The following SUFU variants were observed in gnomAD, a reference collection of about 807,000 sequenced individuals.
SUFU encodes the protein suppressor of fused homolog.
SUFU carries 7 observed loss-of-function variants against 58.9 expected under a neutral mutation model. The observed-to-expected ratio is 0.12, with a 90% CI of 0.07 to 0.22. The LOEUF (loss-of-function observed/expected upper bound fraction) is 0.22, where lower values mean the gene tolerates loss of function less well. Among genes scored for constraint, SUFU ranks in the 10% least tolerant of loss-of-function variants. The pLI is 1.00. For synonymous variants in SUFU, 232 were observed against 254.8 expected (o/e 0.91, Z 0.85); for missense variants, 451 against 641.3 (o/e 0.70, Z 3.20).
At chr10:102,599,373 C>T (rs935261478) in intron 7 of SUFU, 60 bp from the exon 8 acceptor site, 38 of 1,302,520 alleles carry the variant, frequency 2.9e-5, no homozygotes, top group Admixed American at 5.0e-5. Flanking sequence ...GTTTCAAGAG[C>T]GGGGTGAGAA....
intron 8 of SUFU, among the ~76,000 whole-genome samples, chr10:102,610,252 G>A (rs998445748): frequency 6.6e-6 from 1 of 151,860 alleles, no homozygotes; most frequent in Non-Finnish European, 1.5e-5. Flanking sequence ...AATTAGCCAG[G>A]TGTGGTGGTG....
At chr10:102,534,212 A>G (rs1446179784) in intron 2 of SUFU, among the ~76,000 whole-genome samples, 1 of 152,118 alleles carries the variant, frequency 6.6e-6, no homozygotes, top group Non-Finnish European at 1.5e-5. Flanking sequence ...GTGGATCACT[A>G]GGTCAGGAGA....
chr10:102,523,339 G>A (rs909350817), intron 2 of SUFU, among the ~76,000 whole-genome samples: 5 of 152,070 alleles, frequency 3.3e-5, no homozygotes, highest in African/African-American at 1.2e-4. Flanking sequence ...CCCTGCCTCC[G>A]ACCACCAGTT....
chr10:102,566,127 G>A (rs187159681), intron 3 of SUFU, among the ~76,000 whole-genome samples: 5 of 152,300 alleles, frequency 3.3e-5, no homozygotes, highest in East Asian at 1.9e-4. Context: ...AGTGTTCAGC[G>A]AAGAGGGCTG....
At position 102,504,000 on chromosome 10, in the gene SUFU, G is replaced by A; in HGVS notation, c.-153G>A. The A allele has an allele frequency of 8.9e-7, 1 of 1,126,844 alleles. No homozygotes were observed. Among genetic ancestry groups the A allele is most frequent in the Non-Finnish European group, 1.2e-6 (1 of 847,894 alleles). 69.8% of individuals were successfully genotyped at this position (1,126,844 alleles called of 1,614,324 possible). ...CTCGGCGGCGGCGACAGCCTGGGCG[G>A]ACAGTGCGCCGTGCGCAGGCGCGGA... On this transcript the variant is annotated 5_prime_UTR_variant, in exon 1 of 12. Transcript: ENST00000369902.
intron 10 of SUFU, among the ~76,000 whole-genome samples, chr10:102,621,126 T>G (rs2063736309): frequency 6.6e-6 from 1 of 152,206 alleles, no homozygotes; most frequent in African/African-American, 2.4e-5. Flanking sequence ...CCCTGCCTTC[T>G]GCTACCCATT....
At position 102,593,930 on chromosome 10, in the gene SUFU, G is replaced by A. The variant is rs2063432922; in HGVS notation, c.684-63G>A. 4 of 1,587,738 alleles carry A rather than the reference G, an allele frequency of 2.5e-6. No homozygotes were observed. In the South Asian group the frequency reaches 3.3e-5, roughly 13 times the overall value. Reference sequence around the variant, plus strand: ...CCTGGGGCAGCAAACAGGGCAGGCTGTAGGCCCAGCCCATCAGCCCCAGAC... The same window carrying A: ...CCTGGGGCAGCAAACAGGGCAGGCTATAGGCCCAGCCCATCAGCCCCAGAC... On this transcript the variant is annotated intron_variant, in intron 5 of 11. Transcript: ENST00000369902.
At chr10:102,530,609 A>C (rs2062666363) in intron 2 of SUFU, among the ~76,000 whole-genome samples, 1 of 151,682 alleles carries the variant, frequency 6.6e-6, no homozygotes, top group Non-Finnish European at 1.5e-5. Context: ...TTGTGCCACC[A>C]TGCTTGGTTA....
chr10:102,603,874 G>A (rs1286338047), intron 8 of SUFU, among the ~76,000 whole-genome samples: 1 of 152,182 alleles, frequency 6.6e-6, no homozygotes, highest in African/African-American at 2.4e-5. Context: ...AGAGAAAATT[G>A]TGTTTTGTTT....
In SUFU at chr10:102,504,443, G is replaced by C. The variant is rs550119336; in HGVS notation, c.182+109G>C. 8.1e-5 allele frequency: 124 copies of C among 1,539,018 alleles called. No homozygotes were observed. The African/African-American group carries it at 1.6e-3, about 20-fold the overall frequency. On this transcript the variant is annotated intron_variant, in intron 1 of 11. Coordinates refer to ENST00000369902, the MANE Select transcript of SUFU (RefSeq NM_016169.4). ...GGAGGAGGGGTAGAGAATGGTTAAA[G>C]CACTCAGAAGGAGGGCTTCTTGCTG...
chr10:102,606,137 A>C (rs1191794646), intron 8 of SUFU, among the ~76,000 whole-genome samples: 1 of 152,228 alleles, frequency 6.6e-6, no homozygotes, highest in Non-Finnish European at 1.5e-5. Context: ...TAGGGTGATC[A>C]AGGCATGTAC....
rs544255923 is a variant in SUFU, at chr10:102,565,814, G to A, written c.454+15708G>A. On this transcript the variant is annotated intron_variant, in intron 3 of 11. Transcript: ENST00000369902. ...ACCCGCCTCGGCCTCCCAAAGTGCTGGGATTACAAGCGTGAGCCACCACGC... is the reference window on the plus strand; with the variant it reads ...ACCCGCCTCGGCCTCCCAAAGTGCTAGGATTACAAGCGTGAGCCACCACGC... Among the ~76,000 whole-genome samples the A allele has an allele frequency of 5.1e-4, 77 of 152,308 alleles. 1 individual carries two copies. The highest frequency in any genetic ancestry group is 1.8e-3 in the African/African-American group (73 of 41,570).
intron 3 of SUFU, among the ~76,000 whole-genome samples, chr10:102,562,262 C>T (rs1260346513): frequency 6.6e-6 from 1 of 152,124 alleles, no homozygotes; most frequent in Non-Finnish European, 1.5e-5. Context: ...CGGTGGCTCA[C>T]GCCTGTAATC....
chr10:102,524,329 CT>C (rs1260382350), intron 2 of SUFU, among the ~76,000 whole-genome samples: 4 of 115,266 alleles, frequency 3.5e-5, no homozygotes, highest in African/African-American at 1.0e-4. Context: ...CTTTTCTTTT[CT>C]TTTTTTTTTT....
chr10:102,587,910 TG>T (rs2063351158), intron 3 of SUFU, among the ~76,000 whole-genome samples: 1 of 152,222 alleles, frequency 6.6e-6, no homozygotes, highest in Non-Finnish European at 1.5e-5. Context: ...TTTACTCCAA[TG>T]TTTGCTTCTA....
chr10:102,567,762 C>G (rs1027529527), intron 3 of SUFU, among the ~76,000 whole-genome samples: 6 of 152,160 alleles, frequency 3.9e-5, no homozygotes, highest in Admixed American at 6.6e-5. Context: ...GGGGGTCCTT[C>G]TCTGCCTTGT....
rs559815212 is a variant in SUFU at position 102,507,822 on chromosome 10, C to T, written c.183-1347C>T. Among the ~76,000 whole-genome samples, 138 of 152,288 alleles carry T rather than the reference C, an allele frequency of 9.1e-4. 1 individual carries two copies. Among genetic ancestry groups the T allele is most frequent in the African/African-American group, 3.2e-3 (135 of 41,552 alleles). ...GTGTACTCCATCGATGTCCCAGGGGCAGGTGAAGCTTTTGCAGTCTGTGGA... is the reference window on the plus strand; with the variant it reads ...GTGTACTCCATCGATGTCCCAGGGGTAGGTGAAGCTTTTGCAGTCTGTGGA... On this transcript the variant is annotated intron_variant, in intron 1 of 11. Coordinates refer to ENST00000369902, the MANE Select transcript of SUFU (RefSeq NM_016169.4).
At chr10:102,601,409 T>C (rs1184665234) in intron 8 of SUFU, among the ~76,000 whole-genome samples, 1 of 152,170 alleles carries the variant, frequency 6.6e-6, no homozygotes, top group East Asian at 1.9e-4. Flanking sequence ...GGCTGCAGCT[T>C]CTACCCTTTG....
At chr10:102,564,844 T>C (rs1048486437) in intron 3 of SUFU, among the ~76,000 whole-genome samples, 4 of 152,242 alleles carry the variant, frequency 2.6e-5, no homozygotes, top group African/African-American at 9.6e-5. Context: ...TTAGTAATAC[T>C]GACCAACTGT....
Sources: allele counts gnomAD v4.1 joint callset (sites outside exome capture counted in the v4.1 genomes callset), GRCh38; gene constraint gnomAD v4.1.1; transcripts MANE v1.5; gene names NCBI Gene and HGNC (gene_info 2026-07-23, HGNC 2026-07-21).